The following PALLD variants were observed in gnomAD, a reference collection of about 807,000 sequenced individuals.
PALLD encodes palladin.
PALLD carries 61 observed loss-of-function variants against 123.5 expected under a neutral mutation model. The ratio of observed to expected loss-of-function variants is 0.49; its 90% confidence interval spans 0.40 to 0.61. PALLD has a LOEUF of 0.61. Among genes scored for constraint, PALLD ranks in the 20% least tolerant of loss-of-function variants. PALLD has a pLI of 0.00. For synonymous variants in PALLD, 465 were observed against 496.4 expected (o/e 0.94, Z 0.84); for missense variants, 1,273 against 1,377.0 (o/e 0.92, Z 1.20).
chr4:168,878,381 G>A, intron 10 of PALLD: 2 of 1,503,002 alleles, frequency 1.3e-6, no homozygotes, highest in East Asian at 5.1e-5. Context: ...GCTGCCCAAG[G>A]GTGTCACCCC....
rs550026005 is a variant in PALLD, at chr4:168,618,458, G to A, written c.909-49732G>A. Among the ~76,000 whole-genome samples the A allele has an allele frequency of 6.6e-5, 10 of 152,246 alleles. No individual in the cohort carries two copies. The South Asian group carries it at 1.9e-3, about 28-fold the overall frequency. ...TTGGGCACGATCATCTCCAGTTGCT[G>A]ACTTTCTAGGGTTGTAAGGGCCATA... On this transcript the variant is annotated intron_variant, in intron 2 of 21. Coordinates refer to ENST00000505667, the MANE Select transcript of PALLD (RefSeq NM_001166108.2).
At chr4:168,686,576 A>G (rs979765793) in intron 6 of PALLD, 1 of 152,310 alleles carries the variant, frequency 6.6e-6, no homozygotes, top group African/African-American at 2.4e-5. Context: ...TTATGCCTGC[A>G]TAGTATTCCA....
At chr4:168,653,646 T>C (rs137961276) in intron 2 of PALLD, among the ~76,000 whole-genome samples, 1 of 152,364 alleles carries the variant, frequency 6.6e-6, no homozygotes, top group Non-Finnish European at 1.5e-5. Context: ...CCTTTGAGTA[T>C]GCTGTTCTTT....
At chr4:168,860,384 A>G (rs546175667) in intron 10 of PALLD, among the ~76,000 whole-genome samples, 2 of 152,306 alleles carry the variant, frequency 1.3e-5, no homozygotes, top group Admixed American at 1.3e-4. Flanking sequence ...GAAATACATC[A>G]GTGTAGTCAT....
intron 10 of PALLD, among the ~76,000 whole-genome samples, chr4:168,855,089 C>CTTT (rs11338063): frequency 0.2 from 21,129 of 103,878 alleles, 2,445 homozygotes; most frequent in Middle Eastern, 0.28. Context: ...AAGGAATGTT[C>CTTT]TTTTTTTTTT....
chr4:168,925,804 C>T (rs1002046175), intron 21 of PALLD, among the ~76,000 whole-genome samples: 10 of 152,118 alleles, frequency 6.6e-5, no homozygotes, highest in Admixed American at 1.3e-4. Flanking sequence ...CCCTACTGTA[C>T]GATTCCTTTC....
chr4:168,622,678 A>T (rs1326016199), intron 2 of PALLD, among the ~76,000 whole-genome samples: 1 of 152,246 alleles, frequency 6.6e-6, no homozygotes, highest in African/African-American at 2.4e-5. Context: ...TTCCTCCATT[A>T]GGTAGCATCT....
intron 2 of PALLD, among the ~76,000 whole-genome samples, chr4:168,528,358 T>A (rs1289605204): frequency 6.6e-6 from 1 of 152,244 alleles, no homozygotes; most frequent in East Asian, 1.9e-4. Context: ...TCAACTCCAA[T>A]TCTATAACTT....
chr4:168,682,544 A>G (rs1781647904), intron 4 of PALLD, among the ~76,000 whole-genome samples: 1 of 152,232 alleles, frequency 6.6e-6, no homozygotes, highest in Non-Finnish European at 1.5e-5. Flanking sequence ...ATTAGAAACC[A>G]GAAAAAAGAA....
chr4:168,767,325 C>T (rs1221749239), intron 10 of PALLD, among the ~76,000 whole-genome samples: 2 of 152,196 alleles, frequency 1.3e-5, no homozygotes, highest in Non-Finnish European at 2.9e-5. Flanking sequence ...CCACTTCTCC[C>T]CTGTTCTGGA....
intron 10 of PALLD, among the ~76,000 whole-genome samples, chr4:168,838,881 G>C (rs1290744717): frequency 6.6e-6 from 1 of 151,946 alleles, no homozygotes; most frequent in Admixed American, 6.5e-5. Flanking sequence ...AACAGTACTT[G>C]TATAGCAATT....
chr4:168,564,839 C>T (rs1427657645), intron 2 of PALLD, among the ~76,000 whole-genome samples: 4 of 152,042 alleles, frequency 2.6e-5, no homozygotes, highest in Non-Finnish European at 4.4e-5. Context: ...CAGATCCACC[C>T]TCATATTTGC....
intron 7 of PALLD, 136 bp downstream of exon 7, chr4:168,690,880 T>C (rs1475621926): frequency 1.1e-6 from 1 of 932,690 alleles, no homozygotes; most frequent in East Asian, 2.4e-5. Flanking sequence ...ATCTACAGTG[T>C]GTTGAAATCC....
At chr4:168,770,459 G>A (rs774862385) in intron 10 of PALLD, among the ~76,000 whole-genome samples, 4 of 152,190 alleles carry the variant, frequency 2.6e-5, no homozygotes, top group Non-Finnish European at 5.9e-5. Context: ...ATGGAGATGG[G>A]CCTGATACAC....
chr4:168,510,253 G>C (rs1333211109), intron 1 of PALLD, among the ~76,000 whole-genome samples: 2 of 152,090 alleles, frequency 1.3e-5, no homozygotes, highest in Non-Finnish European at 2.9e-5. Context: ...AAATGTCAGT[G>C]GAATTTAAAG....
chr4:168,570,488 C>T (rs1306948062), intron 2 of PALLD, among the ~76,000 whole-genome samples: 1 of 152,098 alleles, frequency 6.6e-6, no homozygotes. Flanking sequence ...ACAAAAGTGC[C>T]AATGTTCCTT....
At chr4:168,761,885 T>C (rs964094880) in intron 10 of PALLD, among the ~76,000 whole-genome samples, 3 of 152,014 alleles carry the variant, frequency 2.0e-5, no homozygotes, top group Non-Finnish European at 4.4e-5. Flanking sequence ...AGGATTAGAA[T>C]TTCAGTCATT....
At chr4:168,608,780 T>C (rs1012714357) in intron 2 of PALLD, among the ~76,000 whole-genome samples, 1 of 150,096 alleles carries the variant, frequency 6.7e-6, no homozygotes, top group Non-Finnish European at 1.5e-5. Context: ...TCATTTTTTT[T>C]CTACTACCAC....
chr4:168,631,994 CTGT>C, intron 2 of PALLD: 1 of 747,928 alleles, frequency 1.3e-6, no homozygotes, highest in Non-Finnish European at 1.6e-6. Flanking sequence ...GCGAAGAGTA[CTGT>C]TTGGGGTGTT....
Sources: allele counts gnomAD v4.1 joint callset (sites outside exome capture counted in the v4.1 genomes callset), GRCh38; gene constraint gnomAD v4.1.1; transcripts MANE v1.5; gene names NCBI Gene and HGNC (gene_info 2026-07-23, HGNC 2026-07-21).